Variants in CDPF1 observed in about 807,000 individuals in gnomAD.
CDPF1 encodes the protein cysteine rich DPF motif domain containing 1.
CDPF1 carries 8 observed loss-of-function variants against 8.3 expected under a neutral mutation model. The observed-to-expected ratio is 0.96, with a 90% confidence interval of 0.57 to 1.74. The LOEUF is 1.74. Ranked by LOEUF, CDPF1 falls within the 40% of genes most tolerant of loss-of-function variation. The pLI is 0.00. For missense variants in CDPF1, 151 were observed against 155.3 expected (o/e 0.97, Z 0.15); for synonymous variants, 62 against 62.9 (o/e 0.99, Z 0.07).
rs1280032608 is a variant in CDPF1 at position 46,249,664 on chromosome 22, AAAATT to A, written c.-1+587_-1+591del. Among the ~76,000 whole-genome samples, 3 of 151,694 alleles carry A rather than the reference AAAATT, an allele frequency of 2.0e-5. No individual in the cohort carries two copies. The highest frequency in any genetic ancestry group is 7.3e-5 in the African/African-American group (3 of 41,232). ...ACTCCTTCTCAAAAAAATAAAAATT[AAAATT>A]AAATAAAATAAAATATTAGCCGGGC... is the stretch of plus-strand genomic sequence containing the variant. On this transcript the variant is annotated intron_variant, in intron 1 of 3. Transcript: ENST00000314567. This position sits in a 1 kb window ranked among gnomAD's most constrained non-coding sequence, Gnocchi z 4.6.
Position 46,245,700 on chromosome 22 carries a change from C to A in CDPF1, c.226-462G>T, listed in dbSNP as rs78336060. Reference sequence around the variant, plus strand: ...GCTAGTCTGGGCAGGAGGCCAGAACCGTGCAGCCATGTCCGCTCTCCTCTC... The same window carrying A: ...GCTAGTCTGGGCAGGAGGCCAGAACAGTGCAGCCATGTCCGCTCTCCTCTC... On this transcript the variant is annotated intron_variant, in intron 3 of 3. Coordinates refer to ENST00000314567, the MANE Select transcript of CDPF1 (RefSeq NM_207327.5). This position sits in a 1 kb window ranked among gnomAD's most constrained non-coding sequence, Gnocchi z 6.9. Among the ~76,000 whole-genome samples, 1 of 152,180 alleles carries A rather than the reference C, an allele frequency of 6.6e-6. No individual in the cohort carries two copies. Among genetic ancestry groups the A allele is most frequent in the Non-Finnish European group, 1.5e-5 (1 of 68,004 alleles).
Position 46,246,744 on chromosome 22 carries a change from C to G in CDPF1, c.225+366G>C, listed in dbSNP as rs1475681747. ...CCCAAGCACAGGACCTGGCACACAA[C>G]AAGTGCTCATGAAAGGACAGTCCCT... On this transcript the variant is annotated intron_variant, in intron 3 of 3. Coordinates refer to ENST00000314567, the MANE Select transcript of CDPF1 (RefSeq NM_207327.5). The surrounding 1 kb of genome is among the most constrained non-coding windows in gnomAD (Gnocchi z 7.1). The G allele has an allele frequency of 1.2e-6, 2 of 1,602,864 alleles. No homozygotes were observed. Among genetic ancestry groups the G allele is most frequent in the Non-Finnish European group, 1.7e-6 (2 of 1,175,204 alleles).
Position 46,246,637 on chromosome 22 carries a change from C to A in CDPF1, c.225+473G>T. On this transcript the variant is annotated intron_variant, in intron 3 of 3. Transcript: ENST00000314567. The surrounding 1 kb of genome is among the most constrained non-coding windows in gnomAD (Gnocchi z 7.1). Reference sequence around the variant, plus strand: ...CAGCCTCTCTGAAGCTCAGTTCCCTCATCTATAAAATGGGTGGAATATAAT... The same window carrying A: ...CAGCCTCTCTGAAGCTCAGTTCCCTAATCTATAAAATGGGTGGAATATAAT... The A allele has an allele frequency of 3.9e-6, 6 of 1,543,944 alleles. No homozygotes were observed. Among genetic ancestry groups the A allele is most frequent in the Non-Finnish European group, 4.4e-6 (5 of 1,143,124 alleles).
rs1936506796 is a variant in CDPF1, at chr22:46,247,306, GC to G, written c.114-86del. The stretch of plus-strand genomic sequence containing the variant: ...CATGACCTATGGCCAGGCAGCAGCA[GC>G]CTGCACCTCTGCAGGGCCTGCATAC... On this transcript the variant is annotated intron_variant, in intron 2 of 3. Coordinates refer to ENST00000314567, the MANE Select transcript of CDPF1 (RefSeq NM_207327.5). This position sits in a 1 kb window ranked among gnomAD's most constrained non-coding sequence, Gnocchi z 4.3. The G allele has an allele frequency of 3.3e-6, 3 of 903,976 alleles. No homozygotes were observed. The highest frequency in any genetic ancestry group is 2.1e-4 in the Middle Eastern group (1 of 4,732). 56.0% of individuals were successfully genotyped at this position (903,976 alleles called of 1,614,324 possible). A position where few individuals can be genotyped will look rare whatever the true frequency, so the allele number is the denominator to read the frequency against.
Position 46,246,838 on chromosome 22 carries a change from C to T in CDPF1, c.225+272G>A, listed in dbSNP as rs1365463719. On this transcript the variant is annotated intron_variant, in intron 3 of 3. Transcript: ENST00000314567. This position sits in a 1 kb window ranked among gnomAD's most constrained non-coding sequence, Gnocchi z 7.1. ...ATCCTGGTGAGAGGGCGCACAAGGA[C>T]TGTCTGCACTGTTGGTGGGAAGGGG... is the stretch of plus-strand genomic sequence containing the variant. The T allele has an allele frequency of 6.5e-7, 1 of 1,549,370 alleles. No homozygotes were observed. The highest frequency in any genetic ancestry group is 2.0e-5 in the Admixed American group (1 of 51,086).
Position 46,248,596 on chromosome 22 carries a change from C to G in CDPF1, c.1-312G>C, listed in dbSNP as rs77354861. On this transcript the variant is annotated intron_variant, in intron 1 of 3. Transcript: ENST00000314567. The surrounding 1 kb of genome is among the most constrained non-coding windows in gnomAD (Gnocchi z 4.1). ...AAAGCGTTCCGGTCTCCTGCTCTGC[C>G]CCATTCTTTACCACAAGCCCCCAGT... Among the ~76,000 whole-genome samples the G allele has an allele frequency of 4.6e-3, 698 of 152,306 alleles. 9 individuals carry two copies. Among genetic ancestry groups the G allele is most frequent in the African/African-American group, 0.016 (657 of 41,560 alleles).
At position 46,248,079 on chromosome 22, in the gene CDPF1, C is replaced by T; in HGVS notation, c.113+93G>A. On this transcript the variant is annotated intron_variant, in intron 2 of 3. Coordinates refer to ENST00000314567, the MANE Select transcript of CDPF1 (RefSeq NM_207327.5). The surrounding 1 kb of genome is among the most constrained non-coding windows in gnomAD (Gnocchi z 4.1). The stretch of plus-strand genomic sequence containing the variant: ...GGCCAGGGTGGGGTCTAAAGCTCCA[C>T]ACCTGAGACAGTTGTCAGACCTAGG... The T allele has an allele frequency of 2.5e-6, 2 of 804,826 alleles. No individual in the cohort carries two copies. The highest frequency in any genetic ancestry group is 2.3e-5 in the Admixed American group (1 of 44,348). The allele number at this position is 804,826 out of a possible 1,614,324, so 49.9% of individuals were successfully genotyped here. A position where few individuals can be genotyped will look rare whatever the true frequency, so the allele number is the denominator to read the frequency against.
In CDPF1 at chr22:46,248,534, G is replaced by A. The variant is rs1387442489; in HGVS notation, c.1-250C>T. Among the ~76,000 whole-genome samples the A allele has an allele frequency of 6.6e-6, 1 of 152,236 alleles. No homozygotes were observed. The highest frequency in any genetic ancestry group is 6.5e-5 in the Admixed American group (1 of 15,282). On this transcript the variant is annotated intron_variant, in intron 1 of 3. Coordinates refer to ENST00000314567, the MANE Select transcript of CDPF1 (RefSeq NM_207327.5). The surrounding 1 kb of genome is among the most constrained non-coding windows in gnomAD (Gnocchi z 4.1). ...GAAGGATCCAGACAGGATCAAGCCA[G>A]AGCACCCATCTCTTCTTCCAGGTCT... is the stretch of plus-strand genomic sequence containing the variant.
Position 46,245,969 on chromosome 22 carries a change from T to C in CDPF1, c.226-731A>G, listed in dbSNP as rs190618905. Among the ~76,000 whole-genome samples, 1 of 152,122 alleles carries C rather than the reference T, an allele frequency of 6.6e-6. No individual in the cohort carries two copies. Among genetic ancestry groups the C allele is most frequent in the African/African-American group, 2.4e-5 (1 of 41,410 alleles). ...GCTCCACAGCCACAAGGGACCCAAA[T>C]AGAGACTCTGCTGAAGACAACAGGG... On this transcript the variant is annotated intron_variant, in intron 3 of 3. Transcript: ENST00000314567. This position sits in a 1 kb window ranked among gnomAD's most constrained non-coding sequence, Gnocchi z 6.9.
At position 46,248,838 on chromosome 22, in the gene CDPF1, T is replaced by G. The variant is rs1160616055; in HGVS notation, c.1-554A>C. On this transcript the variant is annotated intron_variant, in intron 1 of 3. Transcript: ENST00000314567. This position sits in a 1 kb window ranked among gnomAD's most constrained non-coding sequence, Gnocchi z 4.1. ...GATCGAGACCATCTAGCTAACATGG[T>G]GAAACCCCGCCTCTACTAAAAATAC... Among the ~76,000 whole-genome samples, 1 of 152,054 alleles carries G rather than the reference T, an allele frequency of 6.6e-6. No homozygotes were observed. Among genetic ancestry groups the G allele is most frequent in the East Asian group, 1.9e-4 (1 of 5,186 alleles).
Position 46,248,218 on chromosome 22 carries a change from G to A in CDPF1, c.67C>T (p.Pro23Ser). 1 of 1,613,842 alleles carries A rather than the reference G, an allele frequency of 6.2e-7. No homozygotes were observed. The highest frequency in any genetic ancestry group is 8.5e-7 in the Non-Finnish European group (1 of 1,179,880). ...FECELCTLTAPYSYVGQKPPN... is the reference protein window; with the variant it reads ...FECELCTLTASYSYVGQKPPN... The stretch of plus-strand genomic sequence containing the variant: ...GGCTTCTGTCCCACATAGCTGTACG[G>A]AGCTGTCAAGGTACAGAGTTCACAC... Residue 23 changes from proline to serine, a missense_variant, in exon 2 of 4, where the codon CCG (proline) becomes TCG (serine). Pro to Ser is a moderately conservative substitution (Grantham distance 74). Coordinates refer to ENST00000314567, the MANE Select transcript of CDPF1 (RefSeq NM_207327.5). This position sits in a 1 kb window ranked among gnomAD's most constrained non-coding sequence, Gnocchi z 4.1.
Position 46,245,011 on chromosome 22 carries a change from C to T in CDPF1, c.*81G>A, listed in dbSNP as rs1490001096. On this transcript the variant is annotated 3_prime_UTR_variant, in exon 4 of 4. Coordinates refer to ENST00000314567, the MANE Select transcript of CDPF1 (RefSeq NM_207327.5). The surrounding 1 kb of genome is among the most constrained non-coding windows in gnomAD (Gnocchi z 6.9). ...GAAACAAGGCCAGGCATGGCGGCTC[C>T]CAGCTCAGCAGCATCCCTGGCGCAG... 6.5e-7 allele frequency: 1 copy of T among 1,550,318 alleles called. No individual in the cohort carries two copies. Among genetic ancestry groups the T allele is most frequent in the Non-Finnish European group, 8.7e-7 (1 of 1,142,886 alleles).
chr22:46,247,165 A>G lies in CDPF1; in HGVS notation c.170T>C (p.Phe57Ser). The change falls in exon 3 of 4, where the codon TTC becomes TCC. Residue 57 changes from phenylalanine (F) to serine (S), a missense_variant. Physicochemically the swap from Phe to Ser is radical, Grantham distance 155 (BLOSUM62 -2). Coordinates refer to ENST00000314567, the MANE Select transcript of CDPF1 (RefSeq NM_207327.5). This position sits in a 1 kb window ranked among gnomAD's most constrained non-coding sequence, Gnocchi z 4.3. ...ACTGCAGCACGAGCCGAGGACCAGG[A>G]ATCTGTCCTTGTCGGAGGTGAAGGG... ...KDPFTSDKDRFLVLGSCCSLC... is the reference protein window; with the variant it reads ...KDPFTSDKDRSLVLGSCCSLC... 3 of 1,614,146 alleles carry G rather than the reference A, an allele frequency of 1.9e-6. No individual in the cohort carries two copies. Among genetic ancestry groups the G allele is most frequent in the Non-Finnish European group, 2.5e-6 (3 of 1,180,022 alleles).
At position 46,248,093 on chromosome 22, in the gene CDPF1, G is replaced by T; in HGVS notation, c.113+79C>A. 1 of 941,986 alleles carries T rather than the reference G, an allele frequency of 1.1e-6. No individual in the cohort carries two copies. The highest frequency in any genetic ancestry group is 1.7e-6 in the Non-Finnish European group (1 of 604,576). The allele number at this position is 941,986 out of a possible 1,614,324, so 58.4% of individuals were successfully genotyped here. Reference sequence around the variant, plus strand: ...CTAAAGCTCCACACCTGAGACAGTTGTCAGACCTAGGCACACCACCCACCA... The same window carrying T: ...CTAAAGCTCCACACCTGAGACAGTTTTCAGACCTAGGCACACCACCCACCA... On this transcript the variant is annotated intron_variant, in intron 2 of 3. Transcript: ENST00000314567. The surrounding 1 kb of genome is among the most constrained non-coding windows in gnomAD (Gnocchi z 4.1).
In CDPF1 at chr22:46,248,181, T is replaced by G. The variant is rs757390005; in HGVS notation, c.104A>C (p.Gln35Pro). ...AAAGGCATGCACTCACACCATCGAC[T>G]GGGTGTTGGGGGGCTTCTGTCCCAC... ...SYVGQKPPNT[Q>P]SMVLLEESYV... The change falls in exon 2 of 4, where the codon CAG (glutamine) becomes CCG (proline). Residue 35 changes from glutamine to proline, a missense_variant. Transcript: ENST00000314567. The surrounding 1 kb of genome is among the most constrained non-coding windows in gnomAD (Gnocchi z 4.1). The G allele has an allele frequency of 6.2e-7, 1 of 1,612,236 alleles. No homozygotes were observed.
Position 46,248,329 on chromosome 22 carries a change from C to G in CDPF1, c.1-45G>C, listed in dbSNP as rs891577207. 3 of 1,269,460 alleles carry G rather than the reference C, an allele frequency of 2.4e-6. No homozygotes were observed. The African/African-American group carries it at 4.6e-5, about 19-fold the overall frequency. The allele number at this position is 1,269,460 out of a possible 1,614,324, so 78.6% of individuals were successfully genotyped here. On this transcript the variant is annotated intron_variant, in intron 1 of 3. Coordinates refer to ENST00000314567, the MANE Select transcript of CDPF1 (RefSeq NM_207327.5). This position sits in a 1 kb window ranked among gnomAD's most constrained non-coding sequence, Gnocchi z 4.1. ...GGTGTCCCTGGGTCACAGGCTTTCT[C>G]AGGAATCCTGCCCCTTTCCCAGCTA...
In CDPF1 at chr22:46,246,544, T is replaced by G. The variant is rs1936492324; in HGVS notation, c.225+566A>C. 2 of 1,183,364 alleles carry G rather than the reference T, an allele frequency of 1.7e-6. No individual in the cohort carries two copies. The highest frequency in any genetic ancestry group is 2.4e-6 in the Non-Finnish European group (2 of 849,482). 73.3% of individuals were successfully genotyped at this position (1,183,364 alleles called of 1,614,324 possible). A position where few individuals can be genotyped will look rare whatever the true frequency, so the allele number is the denominator to read the frequency against. On this transcript the variant is annotated intron_variant, in intron 3 of 3. Coordinates refer to ENST00000314567, the MANE Select transcript of CDPF1 (RefSeq NM_207327.5). This position sits in a 1 kb window ranked among gnomAD's most constrained non-coding sequence, Gnocchi z 7.1. ...CACTCTGAGTACACTGGGCACGCTG[T>G]GAAAGCCATGCTGCTCCACTTCCAT...
Position 46,247,124 on chromosome 22 carries a change from C to G in CDPF1, c.211G>C (p.Val71Leu). ...GSCCSLCSRL[V>L]CVGPECSLFY... Reference sequence around the variant, plus strand: ...TGCTTACCCACCGGGCCCACACACACCAGCCTGCTGCACAAACTGCAGCAC... The same window carrying G: ...TGCTTACCCACCGGGCCCACACACAGCAGCCTGCTGCACAAACTGCAGCAC... The change falls in exon 3 of 4, where the codon GTG becomes CTG. Residue 71 changes from valine (V) to leucine (L), a missense_variant. By Grantham distance (32) the Val-to-Leu change is conservative. Coordinates refer to ENST00000314567, the MANE Select transcript of CDPF1 (RefSeq NM_207327.5). The surrounding 1 kb of genome is among the most constrained non-coding windows in gnomAD (Gnocchi z 4.3). 6.2e-7 allele frequency: 1 copy of G among 1,613,744 alleles called. No individual in the cohort carries two copies. Among genetic ancestry groups the G allele is most frequent in the South Asian group, 1.1e-5 (1 of 91,056 alleles).
chr22:46,245,969 T>A lies in CDPF1; in HGVS notation c.226-731A>T, dbSNP rs190618905. On this transcript the variant is annotated intron_variant, in intron 3 of 3. Transcript: ENST00000314567. This position sits in a 1 kb window ranked among gnomAD's most constrained non-coding sequence, Gnocchi z 6.9. Reference sequence around the variant, plus strand: ...GCTCCACAGCCACAAGGGACCCAAATAGAGACTCTGCTGAAGACAACAGGG... The same window carrying A: ...GCTCCACAGCCACAAGGGACCCAAAAAGAGACTCTGCTGAAGACAACAGGG... 4.6e-5 allele frequency among the ~76,000 whole-genome samples: 7 copies of A among 152,240 alleles called. No homozygotes were observed. In the East Asian group the frequency reaches 1.4e-3, roughly 29 times the overall value.
Sources: allele counts gnomAD v4.1 joint callset (sites outside exome capture counted in the v4.1 genomes callset), GRCh38; gene constraint gnomAD v4.1.1; non-coding constraint Gnocchi (gnomAD v3.1); transcripts MANE v1.5; gene names NCBI Gene and HGNC (gene_info 2026-07-23, HGNC 2026-07-21).